Variants in IRF3 observed in about 807,000 individuals in gnomAD.
IRF3 encodes the protein interferon regulatory factor 3.
A neutral mutation model predicts 43.2 loss-of-function variants in IRF3; 29 were observed. The ratio of observed to expected loss-of-function variants is 0.67; its 90% CI spans 0.50 to 0.91. The LOEUF is 0.91. IRF3 is among the 40% of genes least tolerant of loss of function. The probability of loss-of-function intolerance (pLI) is 0.00; values close to 1 mark genes in which losing one functional copy is unlikely to be tolerated. For missense variants in IRF3, 505 were observed against 559.1 expected, an observed-to-expected ratio of 0.90 and a Z score of 0.98; for synonymous variants, 228 against 233.9, an observed-to-expected ratio of 0.97 and a Z score of 0.23.
chr19:49,663,593 G>C (rs1288251165), intron 2 of IRF3, 79 bp from the exon 3 acceptor site: 4 of 1,375,702 alleles, frequency 2.9e-6, no homozygotes, highest in African/African-American at 1.4e-5. Flanking sequence ...TGTCTCCCGA[G>C]TCCTAACACC....
At position 49,660,639 on chromosome 19, in the gene IRF3, G is replaced by T. The variant is rs1438707050; in HGVS notation, c.1098+74C>A. 5 of 1,410,288 alleles carry T rather than the reference G, an allele frequency of 3.5e-6. No homozygotes were observed. In the African/African-American group the frequency reaches 4.4e-5, roughly 12 times the overall value. The allele number at this position is 1,410,288 out of a possible 1,614,324, so 87.4% of individuals were successfully genotyped here. On this transcript the variant is annotated intron_variant, in intron 7 of 7. Transcript: ENST00000377139. ...TTTTTTAGAGGGCCCTCTGGGAGTT[G>T]GAGTTCCTGGGAGCAACCTCTTCCC...
chr19:49,663,129 A>C (rs1212999675), intron 4 of IRF3, 59 bp downstream of exon 4: 5 of 1,435,796 alleles, frequency 3.5e-6, no homozygotes, highest in African/African-American at 2.8e-5. Flanking sequence ...GAGGGAGAGG[A>C]CAAGGCCCAT....
At chr19:49,663,678 C>T (rs1451313416) in intron 2 of IRF3, 164 bp from the exon 3 acceptor site, 6 of 637,704 alleles carry the variant, frequency 9.4e-6, no homozygotes, top group South Asian at 4.1e-5. Context: ...CCTCCATCCC[C>T]CACCTCTAGT....
chr19:49,659,980 G>T (rs2081209779), intron 7 of IRF3, 147 bp from the exon 8 acceptor site: 34 of 360,320 alleles, frequency 9.4e-5, no homozygotes, highest in Non-Finnish European at 1.3e-4. Flanking sequence ...GGGAGTTGTA[G>T]TTTTACACAC....
chr19:49,662,668 A>G, intron 4 of IRF3, 51 bp from the exon 5 acceptor site: 1 of 1,416,964 alleles, frequency 7.1e-7, no homozygotes, highest in African/African-American at 1.4e-5. Flanking sequence ...CCTTTTCTGG[A>G]GACTTCATAT....
chr19:49,662,058 G>A lies in IRF3; in HGVS notation c.872C>T (p.Thr291Ile). 1.9e-6 allele frequency: 3 copies of A among 1,613,968 alleles called. No homozygotes were observed. The highest frequency in any genetic ancestry group is 2.2e-5 in the South Asian group (2 of 91,080). The change falls in exon 6 of 8, where the codon ACA becomes ATA. Residue 291 changes from threonine (T) to isoleucine (I), a missense_variant. Transcript: ENST00000377139. ...LWAQRLGHCH[T>I]YWAVSEELLP... is the part of the protein sequence containing the mutation. ...CAGCTCCTCGCTCACTGCCCAGTAT[G>A]TGTGGCAGTGCCCCAGCCGCTGGGC...
At chr19:49,660,079 TACACAC>T (rs961074571) in intron 7 of IRF3, among the ~76,000 whole-genome samples, 9 of 145,146 alleles carry the variant, frequency 6.2e-5, no homozygotes, top group Admixed American at 4.1e-4. Context: ...GTTGTAGTTT[TACACAC>T]ACACACAAAC....
chr19:49,664,496 C>A (rs561732284), intron 2 of IRF3, 178 bp downstream of exon 2: 7 of 1,560,046 alleles, frequency 4.5e-6, no homozygotes, highest in Non-Finnish European at 6.0e-6. Context: ...TGCTTGCGCC[C>A]CACCATCAGT....
At chr19:49,660,020 CACACACA>C (rs2081228395) in intron 7 of IRF3, among the ~76,000 whole-genome samples, 187 bp from the exon 8 acceptor site, 8 of 121,634 alleles carry the variant, frequency 6.6e-5, no homozygotes, top group South Asian at 2.6e-4. Flanking sequence ...CACACACACA[CACACACA>C]CCCCCTGCTG....
chr19:49,662,103 C>G lies in IRF3; in HGVS notation c.827G>C (p.Arg276Pro). The change falls in exon 6 of 8, where the codon CGG (arginine) becomes CCG (proline). Residue 276 changes from arginine to proline, a missense_variant. Transcript: ENST00000377139. ...SCLGGGLALW[R>P]AGQWLWAQRL... Reference sequence around the variant, plus strand: ...CTGGGCCCAGAGCCACTGCCCGGCCCGCCAGAGAGCCAGTCCCCCACCCAG... The same window carrying G: ...CTGGGCCCAGAGCCACTGCCCGGCCGGCCAGAGAGCCAGTCCCCCACCCAG... 1 of 1,613,718 alleles carries G rather than the reference C, an allele frequency of 6.2e-7. No individual in the cohort carries two copies. The highest frequency in any genetic ancestry group is 8.5e-7 in the Non-Finnish European group (1 of 1,179,726).
rs1162578963 is a variant in IRF3, at chr19:49,662,482, AG to A, written c.543del (p.Phe182SerfsTer11). The A allele has an allele frequency of 6.3e-7, 1 of 1,586,468 alleles. No individual in the cohort carries two copies. The highest frequency in any genetic ancestry group is 8.6e-7 in the Non-Finnish European group (1 of 1,167,246). ...TTCTCAGAGGGCCCCAGGTTTGGGA[AG>A]GGAGTGGGATTGTCCAAGCTGGGGC... ...LRSPSLDNPTPFPNLGPSENP... is the reference protein window; with the variant it reads ...LRSPSLDNPTXFPNLGPSENP... On this transcript the variant is annotated frameshift_variant, in exon 5 of 8. Coordinates refer to ENST00000377139, the MANE Select transcript of IRF3 (RefSeq NM_001571.6). LOFTEE classifies it high-confidence loss of function.
In IRF3 at chr19:49,662,425, C is replaced by T; in HGVS notation, c.601G>A (p.Glu201Lys). ...CTCCCAGCCTGCAGCTGACACTCAC[C>T]TTCCCCCGGCACCAACAGCCGCTTC... ...PLKRLLVPGE[E>K]WEFEVTAFYR... The change falls in exon 5 of 8, where the codon GAG (glutamate) becomes AAG (lysine). Residue 201 changes from glutamate to lysine, a missense_variant and splice_region_variant. Glu to Lys is a moderately conservative substitution (Grantham distance 56). Transcript: ENST00000377139. The T allele has an allele frequency of 1.9e-6, 3 of 1,593,288 alleles. No homozygotes were observed. Among genetic ancestry groups the T allele is most frequent in the Non-Finnish European group, 2.6e-6 (3 of 1,169,780 alleles).
At chr19:49,663,322 A>G (rs2081437962) in intron 3 of IRF3, 21 bp downstream of exon 3, 1 of 1,614,018 alleles carries the variant, frequency 6.2e-7, no homozygotes, top group Non-Finnish European at 8.5e-7. Context: ...AGCCTCCCAC[A>G]CGAACCCCAA....
intron 2 of IRF3, chr19:49,664,015 C>A (rs1444746164): frequency 8.9e-6 from 2 of 224,660 alleles, no homozygotes; most frequent in Non-Finnish European, 1.8e-5. Flanking sequence ...GCCTTTGAAA[C>A]CTCTTTGGTT....
chr19:49,665,826 G>A lies in IRF3; in HGVS notation c.-204C>T, dbSNP rs760672189. On this transcript the variant is annotated 5_prime_UTR_variant, in exon 1 of 8. Coordinates refer to ENST00000377139, the MANE Select transcript of IRF3 (RefSeq NM_001571.6). The stretch of plus-strand genomic sequence containing the variant: ...TTGGGTAACAGACCCAAAAGCCGAT[G>A]GGACGGCCCGCTGGGCTGTTCCCGC... 2.6e-5 allele frequency: 42 copies of A among 1,588,028 alleles called. No individual in the cohort carries two copies. The South Asian group carries it at 4.3e-4, about 16-fold the overall frequency.
At chr19:49,659,998 C>T (rs4011539) in intron 7 of IRF3, among the ~76,000 whole-genome samples, 165 bp from the exon 8 acceptor site, 5,194 of 82,876 alleles carry the variant, frequency 0.063, 292 homozygotes, top group African/African-American at 0.19. Flanking sequence ...CACACACACA[C>T]ACACACACAC....
intron 6 of IRF3, chr19:49,661,469 T>C (rs530210108): frequency 1.3e-5 from 2 of 155,568 alleles, no homozygotes; most frequent in South Asian, 3.9e-4. Flanking sequence ...GGCAGGCAGG[T>C]AGAGAGAGGA....
chr19:49,662,380 C>CT (rs1568458745), intron 5 of IRF3, 45 bp downstream of exon 5: 1 of 1,601,004 alleles, frequency 6.2e-7, no homozygotes. Flanking sequence ...GAATCAGGGG[C>CT]TGCCGCCCAG....
At chr19:49,663,602 C>G in intron 2 of IRF3, 88 bp from the exon 3 acceptor site, 1 of 1,294,498 alleles carries the variant, frequency 7.7e-7, no homozygotes, top group Non-Finnish European at 1.1e-6. Context: ...AGTCCTAACA[C>G]CACCCTCTTT....
Sources: gnomAD v4.1 joint callset for allele counts (sites outside exome capture counted in the v4.1 genomes callset) on GRCh38, gnomAD v4.1.1 for gene constraint, MANE v1.5 for transcripts, NCBI Gene and HGNC (gene_info 2026-07-23, HGNC 2026-07-21) for gene names.